Variants in ANO5 observed in about 807,000 individuals in gnomAD.
ANO5 encodes the protein anoctamin-5.
A neutral mutation model predicts 121.0 loss-of-function variants in ANO5; 109 were observed. The ratio of observed to expected loss-of-function variants is 0.90; its 90% CI spans 0.77 to 1.06. ANO5 has a LOEUF of 1.06. Among genes scored for constraint, ANO5 ranks in the 50% least tolerant of loss-of-function variants. The pLI, the probability that ANO5 is intolerant of heterozygous loss-of-function variation, is 0.00. For missense variants in ANO5, 1,064 were observed against 1,078.5 expected (o/e 0.99, Z 0.19); for synonymous variants, 406 against 359.9 (o/e 1.13, Z -1.45).
chr11:22,256,668 T>C (rs1465624576), intron 13 of ANO5, among the ~76,000 whole-genome samples: 1 of 152,226 alleles, frequency 6.6e-6, no homozygotes, highest in African/African-American at 2.4e-5. Context: ...TATGTATTGA[T>C]TCACTGTGAA....
chr11:22,267,298 TTGATA>T, intron 17 of ANO5, among the ~76,000 whole-genome samples: 1 of 151,814 alleles, frequency 6.6e-6, no homozygotes, highest in East Asian at 1.9e-4. Context: ...ATTTTTACGT[TTGATA>T]TGAGATACAA....
intron 1 of ANO5, among the ~76,000 whole-genome samples, chr11:22,198,185 T>A (rs1204404040): frequency 1.3e-5 from 2 of 152,196 alleles, no homozygotes; most frequent in African/African-American, 4.8e-5. Context: ...AATGTGTCTC[T>A]GTTGGTTCTC....
chr11:22,245,027 G>C (rs1853573023), intron 9 of ANO5, among the ~76,000 whole-genome samples: 2 of 152,326 alleles, frequency 1.3e-5, no homozygotes, highest in South Asian at 4.1e-4. Flanking sequence ...GTTGAGTATA[G>C]TCAATTGGCT....
chr11:22,279,413 T>G, intron 21 of ANO5, 131 bp from the exon 22 acceptor site: 3 of 735,220 alleles, frequency 4.1e-6, no homozygotes, highest in Non-Finnish European at 4.7e-6. Flanking sequence ...ACAGAGACCA[T>G]ATCTTCTTCC....
chr11:22,196,096 C>CT (rs895261063), intron 1 of ANO5, among the ~76,000 whole-genome samples: 2 of 152,014 alleles, frequency 1.3e-5, no homozygotes, highest in Non-Finnish European at 1.5e-5. Context: ...TCTTAGCCTA[C>CT]TTTTTTTTAT....
chr11:22,255,441 T>C lies in ANO5; in HGVS notation c.1251T>C (p.Phe417=), dbSNP rs372312591. The change falls in exon 13 of 22, where the codon TTT becomes TTC. Residue 417 remains phenylalanine (F), a synonymous_variant. Coordinates refer to ENST00000324559, the MANE Select transcript of ANO5 (RefSeq NM_213599.3). ...AATATGAATGGGACCTGGTGGACTT[T>C]GAAGAGGAACAGCAGCAGCTTCAGC... ...RLEYEWDLVD[F]EEEQQQLQLR... The C allele has an allele frequency of 1.9e-6, 3 of 1,613,352 alleles. No homozygotes were observed. Among genetic ancestry groups the C allele is most frequent in the African/African-American group, 2.7e-5 (2 of 74,898 alleles).
intron 1 of ANO5, among the ~76,000 whole-genome samples, chr11:22,200,586 G>T (rs896068201): frequency 1.3e-5 from 2 of 152,086 alleles, no homozygotes; most frequent in Admixed American, 1.3e-4. Flanking sequence ...TACTGAGAGT[G>T]CATGATGGTG....
intron 5 of ANO5, among the ~76,000 whole-genome samples, chr11:22,224,378 C>T (rs1420653688): frequency 6.6e-6 from 1 of 152,042 alleles, no homozygotes; most frequent in Non-Finnish European, 1.5e-5. Flanking sequence ...TAACAACAGA[C>T]ACACAGGCCA....
chr11:22,257,489 C>A (rs1034355508), intron 13 of ANO5, among the ~76,000 whole-genome samples, 191 bp from the exon 14 acceptor site: 2 of 151,978 alleles, frequency 1.3e-5, no homozygotes, highest in Admixed American at 1.3e-4. Flanking sequence ...TGTAAGATAA[C>A]CCATCTAGGA....
intron 17 of ANO5, among the ~76,000 whole-genome samples, chr11:22,269,424 A>AGAAGG (rs1437764887): frequency 6.7e-6 from 1 of 148,546 alleles, no homozygotes; most frequent in Non-Finnish European, 1.5e-5. Flanking sequence ...GAAGGAAAAG[A>AGAAGG]GAAGGGAAGG....
chr11:22,217,175 A>C (rs187872973), intron 3 of ANO5, among the ~76,000 whole-genome samples: 3 of 152,134 alleles, frequency 2.0e-5, no homozygotes, highest in African/African-American at 7.2e-5. Context: ...AGACTTCTTC[A>C]GCCTATTCCA....
chr11:22,205,567 T>C (rs11828945), intron 2 of ANO5, among the ~76,000 whole-genome samples: 7,189 of 108,548 alleles, frequency 0.066, 592 homozygotes, highest in African/African-American at 0.21. Flanking sequence ...TAAAATAAAA[T>C]AAAATAAATA....
chr11:22,253,283 C>A (rs1043708754), intron 12 of ANO5, among the ~76,000 whole-genome samples: 5 of 144,122 alleles, frequency 3.5e-5, no homozygotes, highest in African/African-American at 1.5e-4. Flanking sequence ...TAGTCCACAT[C>A]ATTTCTCTTT....
chr11:22,212,287 G>A (rs1315149361), intron 3 of ANO5, among the ~76,000 whole-genome samples: 10 of 151,746 alleles, frequency 6.6e-5, no homozygotes, highest in Admixed American at 5.3e-4. Context: ...ATCTGTCTTA[G>A]GTTGAAAATA....
At chr11:22,204,433 G>T (rs947836851) in intron 2 of ANO5, among the ~76,000 whole-genome samples, 1 of 152,068 alleles carries the variant, frequency 6.6e-6, no homozygotes, top group African/African-American at 2.4e-5. Context: ...GACTCTAGTT[G>T]ATAAAGAATC....
chr11:22,232,192 A>G (rs1853063850), intron 7 of ANO5, among the ~76,000 whole-genome samples: 2 of 152,002 alleles, frequency 1.3e-5, no homozygotes, highest in African/African-American at 4.8e-5. Context: ...AAGCTCTTGT[A>G]TGAACTTTTG....
intron 8 of ANO5, among the ~76,000 whole-genome samples, chr11:22,238,708 C>T (rs1287830773): frequency 7.2e-5 from 11 of 151,950 alleles, no homozygotes; most frequent in Admixed American, 1.3e-4. Context: ...GATTTTCACA[C>T]GTGCTAAATT....
chr11:22,229,326 T>G (rs1852956551), intron 7 of ANO5, among the ~76,000 whole-genome samples: 2 of 152,014 alleles, frequency 1.3e-5, no homozygotes, highest in African/African-American at 4.8e-5. Flanking sequence ...TAAATAAATA[T>G]TTTTAAAATT....
chr11:22,270,328 T>C lies in ANO5; in HGVS notation c.1915T>C (p.Trp639Arg), dbSNP rs973595720. 6.2e-6 allele frequency: 10 copies of C among 1,614,020 alleles called. No individual in the cohort carries two copies. Among genetic ancestry groups the C allele is most frequent in the African/African-American group, 4.0e-5 (3 of 74,924 alleles). ...EAIYPLALNWWRRRKARTNSE... is the reference protein window; with the variant it reads ...EAIYPLALNWRRRRKARTNSE... ...TTCCAACAGCTTGGCTTTGAATTGGTGGAGACGCCGAAAAGCTCGGACAAA... is the reference window on the plus strand; with the variant it reads ...TTCCAACAGCTTGGCTTTGAATTGGCGGAGACGCCGAAAAGCTCGGACAAA... The change falls in exon 18 of 22, where the codon TGG becomes CGG. Residue 639 changes from tryptophan (W) to arginine (R), a missense_variant. Transcript: ENST00000324559.
Sources: allele counts gnomAD v4.1 joint callset (sites outside exome capture counted in the v4.1 genomes callset), GRCh38; gene constraint gnomAD v4.1.1; transcripts MANE v1.5; gene names NCBI Gene and HGNC (gene_info 2026-07-23, HGNC 2026-07-21).